Variants in CHD1L observed in about 807,000 individuals in gnomAD.
CHD1L encodes ATP-dependent chromatin remodeler CHD1L.
In CHD1L, 118 loss-of-function variants were observed where a neutral mutation model predicts 115.9. The observed-to-expected ratio is 1.02, with a 90% CI of 0.88 to 1.19. CHD1L has a LOEUF of 1.19. Ranked by LOEUF, CHD1L falls within the 50% of genes most tolerant of loss-of-function variation. CHD1L has a pLI of 0.00. For synonymous variants in CHD1L, 411 were observed against 387.1 expected, an observed-to-expected ratio of 1.06 and a Z score of -0.72; for missense variants, 1,179 against 1,065.3, an observed-to-expected ratio of 1.11 and a Z score of -1.49.
At chr1:147,227,188 T>C in the CHD1L span, among the ~76,000 whole-genome samples, 5 of 152,354 alleles carry the variant, frequency 3.3e-5, no homozygotes, top group Admixed American at 2.6e-4. Flanking sequence ...AATGTGAATT[T>C]ATACTAAAAT....
chr1:147,201,471 G>A, the CHD1L span: 10 of 1,613,916 alleles, frequency 6.2e-6, no homozygotes, highest in African/African-American at 8.0e-5. Context: ...GATTTGGCAG[G>A]TCATCATTTA....
At chr1:147,236,803 T>C in the CHD1L span, among the ~76,000 whole-genome samples, 1 of 152,146 alleles carries the variant, frequency 6.6e-6, no homozygotes, top group African/African-American at 2.4e-5. Flanking sequence ...TTTACAGGCC[T>C]CAGAGGAGAG....
chr1:147,178,685 C>T, the CHD1L span: 39 of 1,574,888 alleles, frequency 2.5e-5, 1 homozygote, highest in South Asian at 3.5e-4. Flanking sequence ...AATGTTGAGT[C>T]TCTGGTGAAC....
the CHD1L span, chr1:147,208,851 C>G: frequency 1.2e-6 from 2 of 1,613,300 alleles, no homozygotes; most frequent in Non-Finnish European, 1.7e-6. Context: ...TGGGAACATA[C>G]CTGTGTTTAG....
At chr1:147,205,916 G>A in the CHD1L span, among the ~76,000 whole-genome samples, 8 of 152,070 alleles carry the variant, frequency 5.3e-5, no homozygotes, top group African/African-American at 1.7e-4. Context: ...ATTGACAAAT[G>A]GGATCTAATT....
chr1:147,266,775 AT>A (rs1674093585), intron 8 of CHD1L, among the ~76,000 whole-genome samples: 1 of 152,276 alleles, frequency 6.6e-6, no homozygotes, highest in South Asian at 2.1e-4. Context: ...CAATAAAAAA[AT>A]GAAAAACAAT....
chr1:147,285,282 G>A, intron 16 of CHD1L, 42 bp from the exon 17 acceptor site: 1 of 1,587,864 alleles, frequency 6.3e-7, no homozygotes, highest in Non-Finnish European at 8.6e-7. Flanking sequence ...ATTCGGGGAG[G>A]AATCTTCTTG....
chr1:147,265,857 C>G, intron 7 of CHD1L, 75 bp from the exon 8 acceptor site: 2 of 1,346,264 alleles, frequency 1.5e-6, no homozygotes, highest in Non-Finnish European at 2.0e-6. Flanking sequence ...AAATAAATTT[C>G]TTTAAGTTCT....
At chr1:147,265,871 G>A in intron 7 of CHD1L, 61 bp from the exon 8 acceptor site, 1 of 1,474,678 alleles carries the variant, frequency 6.8e-7, no homozygotes, top group Non-Finnish European at 9.2e-7. Context: ...AAGTTCTCTA[G>A]GGTTCATTGC....
chr1:147,219,985 C>T, the CHD1L span, among the ~76,000 whole-genome samples: 44 of 152,080 alleles, frequency 2.9e-4, no homozygotes, highest in African/African-American at 1.0e-3. Context: ...ACTACAGGCG[C>T]ATGCCACCCT....
At chr1:147,214,601 C>T in the CHD1L span, among the ~76,000 whole-genome samples, 1 of 152,070 alleles carries the variant, frequency 6.6e-6, no homozygotes, top group Non-Finnish European at 1.5e-5. Flanking sequence ...TTGGTAGACT[C>T]CTACTCATCC....
chr1:147,268,671 T>C lies in CHD1L; in HGVS notation c.989-111T>C, dbSNP rs1674916402. The C allele has an allele frequency of 9.3e-6, 7 of 752,996 alleles. No homozygotes were observed. In the East Asian group the frequency reaches 1.9e-4, roughly 20 times the overall value. The allele number at this position is 752,996 out of a possible 1,614,324, so 46.6% of individuals were successfully genotyped here. ...GTGTTAAGCAGGACTGAGATCATCATGCAAACAACTACTTATATGATGAGC... is the reference window on the plus strand; with the variant it reads ...GTGTTAAGCAGGACTGAGATCATCACGCAAACAACTACTTATATGATGAGC... On this transcript the variant is annotated intron_variant, in intron 9 of 22. Coordinates refer to ENST00000369258, the MANE Select transcript of CHD1L (RefSeq NM_004284.6).
Position 147,265,937 on chromosome 1 carries a change from G to A in CHD1L, c.745G>A (p.Glu249Lys), listed in dbSNP as rs781925575. Residue 249 changes from glutamate (E) to lysine (K), a missense_variant, in exon 8 of 23, where the codon GAA (glutamate) becomes AAA (lysine). By Grantham distance (56) the Glu-to-Lys change is moderately conservative (BLOSUM62 1). Transcript: ENST00000369258. ...DIEKESESASELHKLLQPFLL... is the reference protein window; with the variant it reads ...DIEKESESASKLHKLLQPFLL... Reference sequence around the variant, plus strand: ...TATTTTTTTTTCTTATGTAGCAAGTGAACTGCACAAACTCTTGCAGCCATT... The same window carrying A: ...TATTTTTTTTTCTTATGTAGCAAGTAAACTGCACAAACTCTTGCAGCCATT... 7 of 1,608,472 alleles carry A rather than the reference G, an allele frequency of 4.4e-6. No individual in the cohort carries two copies. In the South Asian group the frequency reaches 6.7e-5, roughly 15 times the overall value.
At chr1:147,294,286 T>G in intron 21 of CHD1L, 123 bp from the exon 22 acceptor site, 1 of 556,340 alleles carries the variant, frequency 1.8e-6, no homozygotes, top group Non-Finnish European at 3.0e-6. Context: ...CCCCGGAATA[T>G]TTTTGACATT....
intron 1 of CHD1L, among the ~76,000 whole-genome samples, chr1:147,248,121 T>G (rs1224470015): frequency 1.3e-5 from 2 of 152,248 alleles, no homozygotes; most frequent in Non-Finnish European, 2.9e-5. Flanking sequence ...TTCTTCCTTT[T>G]ACTTTTCACT....
the CHD1L span, chr1:147,184,510 CT>C: frequency 6.5e-7 from 1 of 1,546,440 alleles, no homozygotes; most frequent in Middle Eastern, 1.7e-4. The surrounding 1 kb of genome is among the most constrained non-coding windows in gnomAD (Gnocchi z 4.4). Context: ...CCTTAGGCCC[CT>C]TTATTCCGGG....
intron 15 of CHD1L, among the ~76,000 whole-genome samples, chr1:147,280,667 A>T (rs587667358): frequency 4.6e-5 from 7 of 152,158 alleles, no homozygotes; most frequent in Non-Finnish European, 8.8e-5. Context: ...TCTGTAATCC[A>T]TGAGATGTAG....
the CHD1L span, among the ~76,000 whole-genome samples, chr1:147,187,624 A>T: frequency 6.6e-6 from 1 of 152,150 alleles, no homozygotes; most frequent in Non-Finnish European, 1.5e-5. Flanking sequence ...CCATCACAAA[A>T]ATTCTCAAGT....
At chr1:147,273,932 T>C (rs1035224754) in intron 12 of CHD1L, among the ~76,000 whole-genome samples, 1 of 152,240 alleles carries the variant, frequency 6.6e-6, no homozygotes, top group Non-Finnish European at 1.5e-5. Flanking sequence ...CTCATGAATA[T>C]GTTCCTATTC....
Sources: allele counts gnomAD v4.1 joint callset (sites outside exome capture counted in the v4.1 genomes callset), GRCh38; gene constraint gnomAD v4.1.1; non-coding constraint Gnocchi (gnomAD v3.1); transcripts MANE v1.5; gene names NCBI Gene and HGNC (gene_info 2026-07-23, HGNC 2026-07-21).